COL8A1: variants seen among roughly 807,000 people sequenced by gnomAD.
COL8A1 encodes the protein collagen type VIII alpha 1 chain, also known as collagen alpha-1(VIII) chain.
Under a neutral mutation model 42.7 loss-of-function variants are expected in COL8A1, and 21 were observed. That is an observed-to-expected ratio of 0.49 (90% CI 0.35 to 0.71). The LOEUF is 0.71. COL8A1 is among the 30% of genes least tolerant of loss of function. COL8A1 has a pLI of 0.01. For missense variants in COL8A1, 788 were observed against 962.4 expected (o/e 0.82, Z 2.40); for synonymous variants, 367 against 369.1 (o/e 0.99, Z 0.06).
At chr3:99,650,031 C>T (rs888898324) in intron 1 of COL8A1, among the ~76,000 whole-genome samples, 2 of 152,106 alleles carry the variant, frequency 1.3e-5, no homozygotes, top group Non-Finnish European at 2.9e-5. Context: ...GCTTGACAGT[C>T]GAGTCTCACA....
Position 99,787,048 on chromosome 3 carries a change from A to T in COL8A1, c.-3-3632A>T, listed in dbSNP as rs565622705. 8.5e-5 allele frequency among the ~76,000 whole-genome samples: 13 copies of T among 152,296 alleles called. No homozygotes were observed. In the South Asian group the frequency reaches 2.7e-3, roughly 32 times the overall value. Reference sequence around the variant, plus strand: ...CAGAGACACACATACATACACAAAGACATGCTGTGTTAGCCTATGTGAAAG... The same window carrying T: ...CAGAGACACACATACATACACAAAGTCATGCTGTGTTAGCCTATGTGAAAG... On this transcript the variant is annotated intron_variant, in intron 2 of 3. Coordinates refer to ENST00000652472, the MANE Select transcript of COL8A1 (RefSeq NM_020351.4).
At position 99,796,148 on chromosome 3, in the gene COL8A1, CA is replaced by C. The variant is rs749956005; in HGVS notation, c.*18del. 4.1e-6 allele frequency: 6 copies of C among 1,445,896 alleles called. No individual in the cohort carries two copies. Among genetic ancestry groups the C allele is most frequent in the Admixed American group, 2.4e-5 (1 of 41,822 alleles). 89.6% of individuals were successfully genotyped at this position (1,445,896 alleles called of 1,614,324 possible). ...TGTATCCCATGTAAAAACAAAAAAACAAAAAACAAAGAAAAGAAAGAGATTT... is the reference window on the plus strand; with the variant it reads ...TGTATCCCATGTAAAAACAAAAAAACAAAAACAAAGAAAAGAAAGAGATTT... On this transcript the variant is annotated 3_prime_UTR_variant, in exon 4 of 4. Transcript: ENST00000652472.
intron 1 of COL8A1, among the ~76,000 whole-genome samples, chr3:99,645,445 T>A (rs1330203194): frequency 1.3e-5 from 2 of 152,104 alleles, no homozygotes; most frequent in African/African-American, 4.8e-5. Flanking sequence ...GATCCACAGT[T>A]CTAGTTTAAG....
At chr3:99,675,341 A>T (rs1464647713) in intron 1 of COL8A1, among the ~76,000 whole-genome samples, 1 of 152,074 alleles carries the variant, frequency 6.6e-6, no homozygotes, top group African/African-American at 2.4e-5. Context: ...TAACAATTTT[A>T]TAAGTTAGGA....
At chr3:99,762,259 T>C (rs146959981) in intron 2 of COL8A1, among the ~76,000 whole-genome samples, 1 of 152,310 alleles carries the variant, frequency 6.6e-6, no homozygotes, top group East Asian at 1.9e-4. Flanking sequence ...TCACGCACAT[T>C]TTAGTGTGGG....
At chr3:99,786,652 T>C (rs1941902410) in intron 2 of COL8A1, among the ~76,000 whole-genome samples, 1 of 152,166 alleles carries the variant, frequency 6.6e-6, no homozygotes, top group Admixed American at 6.5e-5. Context: ...AAATGTATTT[T>C]TAACATTTAT....
intron 2 of COL8A1, among the ~76,000 whole-genome samples, chr3:99,783,036 G>A (rs151313619): frequency 6.3e-4 from 96 of 152,172 alleles, no homozygotes; most frequent in African/African-American, 1.8e-3. Flanking sequence ...CTTCAAATAC[G>A]TGAGCTATTA....
intron 1 of COL8A1, among the ~76,000 whole-genome samples, chr3:99,656,897 A>T (rs923419352): frequency 6.6e-6 from 1 of 152,230 alleles, no homozygotes; most frequent in Non-Finnish European, 1.5e-5. Flanking sequence ...AGAAAAGTCC[A>T]CTTGGGCATG....
At chr3:99,739,047 C>T (rs1248753833) in intron 1 of COL8A1, among the ~76,000 whole-genome samples, 2 of 152,222 alleles carry the variant, frequency 1.3e-5, no homozygotes, top group South Asian at 2.1e-4. Context: ...ACCCCTTGCG[C>T]TTCCCAAGTG....
chr3:99,656,771 C>T (rs905652223), intron 1 of COL8A1, among the ~76,000 whole-genome samples: 1 of 152,136 alleles, frequency 6.6e-6, no homozygotes, highest in Non-Finnish European at 1.5e-5. Context: ...TTTGCTCCTG[C>T]ATAAAAAACT....
At chr3:99,762,214 CT>C in intron 2 of COL8A1, among the ~76,000 whole-genome samples, 1 of 152,270 alleles carries the variant, frequency 6.6e-6, no homozygotes, top group East Asian at 1.9e-4. Flanking sequence ...ACTGGCTGCT[CT>C]GTTTCTTGAG....
intron 1 of COL8A1, among the ~76,000 whole-genome samples, chr3:99,723,624 T>C (rs1430406696): frequency 6.6e-6 from 1 of 152,290 alleles, no homozygotes; most frequent in East Asian, 1.9e-4. Flanking sequence ...TGGCAGGCTA[T>C]GCCCTGCTTA....
intron 2 of COL8A1, among the ~76,000 whole-genome samples, chr3:99,789,986 CTTTACA>C (rs1475798665): frequency 2.0e-5 from 3 of 152,188 alleles, no homozygotes; most frequent in Non-Finnish European, 4.4e-5. Context: ...CCTGTTTGCT[CTTTACA>C]TTTACATTTA....
At chr3:99,697,991 G>A (rs186449776) in intron 1 of COL8A1, among the ~76,000 whole-genome samples, 40 of 151,628 alleles carry the variant, frequency 2.6e-4, no homozygotes, top group African/African-American at 6.8e-4. Context: ...GATAGGCCCC[G>A]GTGTGTGATG....
intron 1 of COL8A1, among the ~76,000 whole-genome samples, chr3:99,698,896 C>T (rs2107344092): frequency 6.6e-6 from 1 of 152,266 alleles, no homozygotes; most frequent in South Asian, 2.1e-4. Flanking sequence ...AACGTGAGCT[C>T]TAAGCATTAG....
intron 1 of COL8A1, among the ~76,000 whole-genome samples, chr3:99,690,888 A>T (rs762845698): frequency 2.6e-5 from 4 of 152,224 alleles, no homozygotes; most frequent in Non-Finnish European, 5.9e-5. Flanking sequence ...CTAGATGGAG[A>T]TTAAAGCCAT....
chr3:99,663,200 T>C (rs1938260707), intron 1 of COL8A1, among the ~76,000 whole-genome samples: 1 of 152,162 alleles, frequency 6.6e-6, no homozygotes, highest in African/African-American at 2.4e-5. Flanking sequence ...TCTCACTCTG[T>C]TGTTGCCCAG....
intron 1 of COL8A1, among the ~76,000 whole-genome samples, chr3:99,723,713 G>A (rs1940221903): frequency 6.6e-6 from 1 of 152,036 alleles, no homozygotes; most frequent in Non-Finnish European, 1.5e-5. Context: ...AGCAATACAT[G>A]TACCCTCTGA....
intron 1 of COL8A1, among the ~76,000 whole-genome samples, chr3:99,700,892 G>A (rs191024072): frequency 3.2e-4 from 48 of 152,094 alleles, no homozygotes; most frequent in African/African-American, 8.4e-4. Context: ...TGGAAGTTCC[G>A]TCTCTACACG....
Sources: gnomAD v4.1 joint callset for allele counts (sites outside exome capture counted in the v4.1 genomes callset) on GRCh38, gnomAD v4.1.1 for gene constraint, MANE v1.5 for transcripts, NCBI Gene and HGNC (gene_info 2026-07-23, HGNC 2026-07-21) for gene names.